Variants in BMS1 observed in about 807,000 individuals in gnomAD.
BMS1 encodes ribosome biogenesis protein BMS1 homolog.
Under a neutral mutation model 138.7 loss-of-function variants are expected in BMS1, and 53 were observed. That is an observed-to-expected ratio of 0.38 (90% confidence interval 0.31 to 0.48). The LOEUF (loss-of-function observed/expected upper bound fraction) is 0.48. Among genes scored for constraint, BMS1 ranks in the 20% least tolerant of loss-of-function variants. The pLI, the probability that BMS1 is intolerant of heterozygous loss-of-function variation, is 0.97. For synonymous variants in BMS1, 504 were observed against 539.9 expected, an observed-to-expected ratio of 0.93 and a Z score of 0.92; for missense variants, 1,360 against 1,565.5, an observed-to-expected ratio of 0.87 and a Z score of 2.22.
At chr10:42,813,014 A>G (rs1276455623) in intron 13 of BMS1, among the ~76,000 whole-genome samples, 1 of 152,164 alleles carries the variant, frequency 6.6e-6, no homozygotes, top group African/African-American at 2.4e-5. Flanking sequence ...AGCATAGGAA[A>G]TTTTAGATCT....
At chr10:42,821,959 A>G (rs377197335) in intron 18 of BMS1, 103 bp from the exon 19 acceptor site, 6 of 1,210,094 alleles carry the variant, frequency 5.0e-6, no homozygotes, top group East Asian at 4.7e-5. Flanking sequence ...TTCTTAGCTA[A>G]TTGTAAGTAA....
At chr10:42,825,875 C>A (rs1218955442) in intron 21 of BMS1, among the ~76,000 whole-genome samples, 1 of 152,088 alleles carries the variant, frequency 6.6e-6, no homozygotes, top group Non-Finnish European at 1.5e-5. Context: ...TTAGTTGTTC[C>A]CCACTAACTA....
At chr10:42,830,518 C>T in intron 22 of BMS1, 96 bp downstream of exon 22, 1 of 1,466,452 alleles carries the variant, frequency 6.8e-7, no homozygotes, top group Non-Finnish European at 9.1e-7. Flanking sequence ...CTCAGTTATT[C>T]AGGGCACTGG....
At chr10:42,808,009 G>A (rs986844398) in intron 13 of BMS1, among the ~76,000 whole-genome samples, 11 of 152,034 alleles carry the variant, frequency 7.2e-5, no homozygotes, top group East Asian at 5.8e-4. Context: ...ATTTCATTGT[G>A]GTTTTAAGAT....
Position 42,821,437 on chromosome 10 carries a change from C to T in BMS1, c.3009+445C>T, listed in dbSNP as rs1481491575. ...GCCCTGGAGTTCCAAATTTTAATTT[C>T]CTAAACATTGCAACTGTATTTTTCT... On this transcript the variant is annotated intron_variant, in intron 18 of 22. Coordinates refer to ENST00000374518, the MANE Select transcript of BMS1 (RefSeq NM_014753.4). 2.0e-5 allele frequency among the ~76,000 whole-genome samples: 3 copies of T among 151,292 alleles called. No homozygotes were observed. In the East Asian group the frequency reaches 5.9e-4, roughly 30 times the overall value.
At chr10:42,790,244 C>G (rs983315814) in intron 4 of BMS1, 79 bp from the exon 5 acceptor site, 203 of 1,410,354 alleles carry the variant, frequency 1.4e-4, no homozygotes, top group Non-Finnish European at 1.8e-4. Context: ...CTGGATTTTG[C>G]CCGTGGCCAG....
rs1022024761 is a variant in BMS1 at position 42,827,843 on chromosome 10, C to T, written c.3457-2418C>T. Among the ~76,000 whole-genome samples the T allele has an allele frequency of 3.3e-5, 5 of 152,062 alleles. No individual in the cohort carries two copies. In the South Asian group the frequency reaches 6.2e-4, roughly 19 times the overall value. On this transcript the variant is annotated intron_variant, in intron 21 of 22. Transcript: ENST00000374518. ...GGGATGAGCGCAAGGGGCTATTGAT[C>T]GGCCCCTTGCTGGCATCACTCCCTC...
At chr10:42,817,294 A>C in intron 14 of BMS1, 24 bp from the exon 15 acceptor site, 1 of 1,526,950 alleles carries the variant, frequency 6.5e-7, no homozygotes, top group Non-Finnish European at 8.8e-7. Flanking sequence ...ACATACACAA[A>C]ATTTTTTCTT....
intron 21 of BMS1, among the ~76,000 whole-genome samples, chr10:42,828,235 GCTT>G (rs1480682615): frequency 1.3e-5 from 2 of 152,182 alleles, no homozygotes; most frequent in Non-Finnish European, 2.9e-5. Context: ...ATTTAGCCTG[GCTT>G]CTTTGGTTGA....
intron 5 of BMS1, among the ~76,000 whole-genome samples, chr10:42,791,007 C>T (rs1280321888): frequency 6.6e-6 from 1 of 151,796 alleles, no homozygotes; most frequent in African/African-American, 2.4e-5. Context: ...TGTATGTGTT[C>T]AGCCTCTGGC....
At chr10:42,786,285 A>T (rs1182834516) in intron 3 of BMS1, among the ~76,000 whole-genome samples, 1 of 152,156 alleles carries the variant, frequency 6.6e-6, no homozygotes, top group Non-Finnish European at 1.5e-5. Context: ...GCTTTGGGAG[A>T]TGGTGACCTT....
In BMS1 at chr10:42,798,604, C is replaced by T; in HGVS notation, c.2226C>T (p.Pro742=). ...GCTCCAGATTTCTTGTGGAGGCCCC[C>T]CATGACTGGGATTTAGAGGAGGTAA... ...LDCSRFLVEA[P]HDWDLEEVMN... The change falls in exon 12 of 23, where the codon CCC becomes CCT. Residue 742 remains proline (P), a synonymous_variant. Coordinates refer to ENST00000374518, the MANE Select transcript of BMS1 (RefSeq NM_014753.4). 1 of 1,614,184 alleles carries T rather than the reference C, an allele frequency of 6.2e-7. No individual in the cohort carries two copies. Among genetic ancestry groups the T allele is most frequent in the Non-Finnish European group, 8.5e-7 (1 of 1,180,020 alleles).
intron 13 of BMS1, among the ~76,000 whole-genome samples, chr10:42,811,625 C>T (rs1379495782): frequency 6.5e-5 from 9 of 137,738 alleles, no homozygotes; most frequent in Non-Finnish European, 1.4e-4. Context: ...CCTGGGTTCA[C>T]GCCATTCTCC....
intron 21 of BMS1, among the ~76,000 whole-genome samples, chr10:42,825,460 T>C (rs1421101497): frequency 6.6e-6 from 1 of 152,280 alleles, no homozygotes; most frequent in Non-Finnish European, 1.5e-5. Context: ...TGTTCATGTC[T>C]AAATTTCTTT....
intron 17 of BMS1, 35 bp from the exon 18 acceptor site, chr10:42,820,899 G>A (rs1364069080): frequency 6.3e-7 from 1 of 1,582,184 alleles, no homozygotes; most frequent in African/African-American, 1.4e-5. Flanking sequence ...AAAATTTGTG[G>A]TTCGCTATAT....
At chr10:42,823,334 A>C (rs983097149) in intron 20 of BMS1, 69 bp downstream of exon 20, 2 of 1,484,950 alleles carry the variant, frequency 1.3e-6, no homozygotes, top group African/African-American at 2.8e-5. Flanking sequence ...CAGTGTGACG[A>C]GAGGCTGGAG....
chr10:42,796,817 A>G lies in BMS1; in HGVS notation c.1573A>G (p.Ser525Gly). Residue 525 changes from serine to glycine, a missense_variant, in exon 10 of 23, where the codon AGT (serine) becomes GGT (glycine). By Grantham distance (56) the Ser-to-Gly change is moderately conservative. Around this residue, in one of 3 missense-constraint regions of BMS1, gnomAD observed 697 missense variants for 686.2 expected, o/e 1.02. Transcript: ENST00000374518. ...EGEAEEADES[S>G]EEEDCTAGEK... ...GGAAGCGGAGGAAGCTGATGAAAGC[A>G]GTGAAGAAGAGGACTGCACTGCAGG... The G allele has an allele frequency of 4.3e-6, 7 of 1,614,244 alleles. No homozygotes were observed. Among genetic ancestry groups the G allele is most frequent in the Non-Finnish European group, 5.9e-6 (7 of 1,180,034 alleles).
chr10:42,804,045 G>C (rs181391635), intron 13 of BMS1, among the ~76,000 whole-genome samples: 1 of 152,184 alleles, frequency 6.6e-6, no homozygotes, highest in African/African-American at 2.4e-5. Context: ...ATTATTTCAA[G>C]ATTCATCCAT....
At chr10:42,787,519 A>G (rs1275779995) in intron 4 of BMS1, among the ~76,000 whole-genome samples, 2 of 152,232 alleles carry the variant, frequency 1.3e-5, no homozygotes, top group African/African-American at 2.4e-5. Flanking sequence ...ACAACTAATA[A>G]GAGCTCATTA....
Sources: gnomAD v4.1 joint callset for allele counts (sites outside exome capture counted in the v4.1 genomes callset) on GRCh38, gnomAD v4.1.1 for gene constraint, gnomAD v4.1.1 regional missense constraint, MANE v1.5 for transcripts, NCBI Gene and HGNC (gene_info 2026-07-23, HGNC 2026-07-21) for gene names.